The following STMN2 variants were observed in gnomAD, a reference collection of about 807,000 sequenced individuals.
STMN2 encodes the protein stathmin-2.
In STMN2, 2 loss-of-function variants were observed where a neutral mutation model predicts 24.1. The ratio of observed to expected loss-of-function variants is 0.08; its 90% CI spans 0.03 to 0.26. The LOEUF (loss-of-function observed/expected upper bound fraction) is 0.26, where lower values mean the gene tolerates loss of function less well. Among genes scored for constraint, STMN2 ranks in the 10% least tolerant of loss-of-function variants. The pLI, the probability that STMN2 is intolerant of heterozygous loss-of-function variation, is 1.00. For synonymous variants in STMN2, 83 were observed against 77.5 expected (o/e 1.07, Z -0.37); for missense variants, 114 against 213.6 (o/e 0.53, Z 2.91).
chr8:79,622,251 T>C (rs1809531484), intron 1 of STMN2, among the ~76,000 whole-genome samples: 1 of 152,190 alleles, frequency 6.6e-6, no homozygotes, highest in South Asian at 2.1e-4. Context: ...CTAAATCACA[T>C]GGTTGTTAAG....
chr8:79,663,875 AG>A (rs778011535), intron 4 of STMN2, among the ~76,000 whole-genome samples: 3 of 152,180 alleles, frequency 2.0e-5, no homozygotes, highest in Non-Finnish European at 1.5e-5. Context: ...TTCCCTCCTC[AG>A]GAAGTTCAGT....
At chr8:79,645,691 G>A (rs1221218036) in intron 3 of STMN2, among the ~76,000 whole-genome samples, 1 of 152,116 alleles carries the variant, frequency 6.6e-6, no homozygotes, top group African/African-American at 2.4e-5. Flanking sequence ...AGGATGTACT[G>A]TAAGTAATAG....
At chr8:79,660,221 T>C (rs1806474831) in intron 4 of STMN2, among the ~76,000 whole-genome samples, 2 of 152,198 alleles carry the variant, frequency 1.3e-5, no homozygotes, top group South Asian at 2.1e-4. Context: ...GGCAAGTTAC[T>C]GAAGAGGACT....
At chr8:79,659,215 A>AG (rs1413383539) in intron 4 of STMN2, among the ~76,000 whole-genome samples, 1 of 152,202 alleles carries the variant, frequency 6.6e-6, no homozygotes, top group Non-Finnish European at 1.5e-5. Flanking sequence ...CTGTGGGAGA[A>AG]GGGATGCCTG....
intron 3 of STMN2, 24 bp downstream of exon 3, chr8:79,641,574 T>TC (rs1810095175): frequency 5.6e-6 from 9 of 1,593,584 alleles, no homozygotes; most frequent in African/African-American, 1.4e-5. Flanking sequence ...TAGGTTTTCC[T>TC]TCTCTCTCTC....
intron 1 of STMN2, among the ~76,000 whole-genome samples, chr8:79,613,093 G>A (rs1809282211): frequency 6.6e-6 from 1 of 152,126 alleles, no homozygotes; most frequent in Admixed American, 6.5e-5. Flanking sequence ...GATTCAGGGA[G>A]GGCTGTCTCT....
chr8:79,617,062 T>C (rs1448773813), intron 1 of STMN2, among the ~76,000 whole-genome samples: 3 of 152,220 alleles, frequency 2.0e-5, no homozygotes. Context: ...ATATCTTATA[T>C]TTATTATTTA....
intron 1 of STMN2, among the ~76,000 whole-genome samples, chr8:79,624,220 C>T (rs1809588474): frequency 2.0e-5 from 3 of 151,796 alleles, no homozygotes; most frequent in East Asian, 1.9e-4. Context: ...TTTGGGTGGC[C>T]GAGGCGGGCG....
In STMN2 at chr8:79,654,816, T is replaced by C. The variant is rs969641690; in HGVS notation, c.289-55T>C. 5.1e-6 allele frequency: 8 copies of C among 1,569,004 alleles called. No individual in the cohort carries two copies. The African/African-American group carries it at 9.6e-5, about 19-fold the overall frequency. ...GCTCCCTCCAATTGGTGGGCCGTTA[T>C]TCTGCTAGGTTTGTGTTTGGATAAT... On this transcript the variant is annotated intron_variant, in intron 3 of 4. Coordinates refer to ENST00000220876, the MANE Select transcript of STMN2 (RefSeq NM_007029.4).
chr8:79,631,596 T>C (rs1809803015), intron 1 of STMN2, among the ~76,000 whole-genome samples: 2 of 152,218 alleles, frequency 1.3e-5, no homozygotes, highest in African/African-American at 4.8e-5. Flanking sequence ...ATTAATTACA[T>C]ACTCATCAAC....
chr8:79,647,774 C>G (rs35931444), intron 3 of STMN2, among the ~76,000 whole-genome samples: 3 of 152,236 alleles, frequency 2.0e-5, no homozygotes, highest in African/African-American at 4.8e-5. Flanking sequence ...ATGATCATCT[C>G]TATGAGTCTA....
intron 1 of STMN2, among the ~76,000 whole-genome samples, chr8:79,625,927 C>T (rs1347717421): frequency 6.6e-6 from 1 of 152,140 alleles, no homozygotes; most frequent in East Asian, 1.9e-4. Flanking sequence ...CCACTGCACT[C>T]CAGCCTGGGC....
At chr8:79,633,519 G>C (rs1243644995) in intron 1 of STMN2, among the ~76,000 whole-genome samples, 1 of 152,184 alleles carries the variant, frequency 6.6e-6, no homozygotes, top group Non-Finnish European at 1.5e-5. Flanking sequence ...ATTTTTCACA[G>C]CTTTGGAAAC....
intron 1 of STMN2, among the ~76,000 whole-genome samples, chr8:79,621,851 G>A (rs1237482956): frequency 3.3e-5 from 5 of 152,160 alleles, no homozygotes; most frequent in Non-Finnish European, 7.3e-5. Context: ...ACTACCCTCT[G>A]AGTCCACCTT....
chr8:79,613,907 C>A (rs1293091041), intron 1 of STMN2: 1 of 859,592 alleles, frequency 1.2e-6, no homozygotes, highest in Non-Finnish European at 1.4e-6. Flanking sequence ...CTGGAAAATT[C>A]TCTGCAAAGA....
At chr8:79,620,187 A>AAT (rs895673704) in intron 1 of STMN2, among the ~76,000 whole-genome samples, 2 of 148,136 alleles carry the variant, frequency 1.4e-5, no homozygotes, top group Admixed American at 1.4e-4. Flanking sequence ...TATAACATAT[A>AAT]ATATATATAT....
At chr8:79,664,227 C>T (rs1011574077) in intron 4 of STMN2, among the ~76,000 whole-genome samples, 3 of 152,144 alleles carry the variant, frequency 2.0e-5, no homozygotes, top group African/African-American at 7.2e-5. Context: ...GTTTATAATC[C>T]TGACCAGTGG....
At chr8:79,644,166 T>C (rs375494631) in intron 3 of STMN2, among the ~76,000 whole-genome samples, 41 of 152,312 alleles carry the variant, frequency 2.7e-4, no homozygotes, top group African/African-American at 6.0e-4. Context: ...AGTAAGGACA[T>C]GCCTATAACC....
chr8:79,620,504 T>C (rs182763252), intron 1 of STMN2, among the ~76,000 whole-genome samples: 164 of 152,142 alleles, frequency 1.1e-3, no homozygotes, highest in African/African-American at 3.8e-3. Context: ...ATAAAAATGT[T>C]CCTCACCCTT....
Sources: gnomAD v4.1 joint callset for allele counts (sites outside exome capture counted in the v4.1 genomes callset) on GRCh38, gnomAD v4.1.1 for gene constraint, MANE v1.5 for transcripts, NCBI Gene and HGNC (gene_info 2026-07-23, HGNC 2026-07-21) for gene names.